The following PPP4R2 variants were observed in gnomAD, a reference collection of about 807,000 sequenced individuals.
PPP4R2 encodes the protein protein phosphatase 4 regulatory subunit 2.
PPP4R2 carries 13 observed loss-of-function variants against 47.2 expected under a neutral mutation model. The ratio of observed to expected loss-of-function variants is 0.28; its 90% CI spans 0.18 to 0.44. PPP4R2 has a LOEUF of 0.44. Ranked by LOEUF, PPP4R2 falls within the 20% of genes least tolerant of loss-of-function variation. PPP4R2 has a pLI of 1.00. For synonymous variants in PPP4R2, 151 were observed against 163.3 expected, an observed-to-expected ratio of 0.92 and a Z score of 0.57; for missense variants, 421 against 491.2, an observed-to-expected ratio of 0.86 and a Z score of 1.35.
intron 2 of PPP4R2, among the ~76,000 whole-genome samples, chr3:73,036,452 A>G (rs1702262244): frequency 6.6e-6 from 1 of 152,246 alleles, no homozygotes; most frequent in Non-Finnish European, 1.5e-5. Context: ...TATCGATTTG[A>G]CCAATACACG....
chr3:73,056,444 A>G (rs1458120122), intron 3 of PPP4R2, among the ~76,000 whole-genome samples: 4 of 152,208 alleles, frequency 2.6e-5, no homozygotes, highest in East Asian at 1.9e-4. Context: ...AGACCTTTCA[A>G]TGCTGTTACG....
At position 73,063,687 on chromosome 3, in the gene PPP4R2, A is replaced by G. The variant is rs759294797; in HGVS notation, c.434A>G (p.Asn145Ser). The change falls in exon 6 of 9, where the codon AAT becomes AGT. Residue 145 changes from asparagine (N) to serine (S), a missense_variant. Transcript: ENST00000356692. Reference protein sequence around the residue: ...VYPSSEKNNSNSLNRMNGVMF... With the variant: ...VYPSSEKNNSSSLNRMNGVMF... Reference sequence around the variant, plus strand: ...TTTTCTTATAGGAAAAACAATTCCAATAGTTTAAATCGAATGAATGGTGTT... The same window carrying G: ...TTTTCTTATAGGAAAAACAATTCCAGTAGTTTAAATCGAATGAATGGTGTT... 29 of 1,588,302 alleles carry G rather than the reference A, an allele frequency of 1.8e-5. No individual in the cohort carries two copies. Among genetic ancestry groups the G allele is most frequent in the South Asian group, 1.4e-4 (13 of 90,486 alleles).
At chr3:73,011,131 A>G (rs193120461) in intron 2 of PPP4R2, among the ~76,000 whole-genome samples, 1 of 152,212 alleles carries the variant, frequency 6.6e-6, no homozygotes, top group African/African-American at 2.4e-5. Flanking sequence ...GTTGTCTTAC[A>G]TCCTCCTCCT....
chr3:73,004,283 C>T (rs1701548489), intron 2 of PPP4R2, among the ~76,000 whole-genome samples: 1 of 151,012 alleles, frequency 6.6e-6, no homozygotes, highest in East Asian at 2.0e-4. Flanking sequence ...TCAGGCTATC[C>T]TCCCGCCTGT....
At position 73,065,871 on chromosome 3, in the gene PPP4R2, G is replaced by T. The variant is rs1702984666; in HGVS notation, c.*149G>T. On this transcript the variant is annotated 3_prime_UTR_variant, in exon 9 of 9. Coordinates refer to ENST00000356692, the MANE Select transcript of PPP4R2 (RefSeq NM_174907.4). ...TTTATGGATAATTCCTGAAAGAGTT[G>T]TACATGTAAGAACTGTGAATATCAG... is the stretch of plus-strand genomic sequence containing the variant. 2.0e-5 allele frequency: 11 copies of T among 550,916 alleles called. No homozygotes were observed. The highest frequency in any genetic ancestry group is 5.6e-5 in the South Asian group (2 of 35,992). 34.1% of individuals were successfully genotyped at this position (550,916 alleles called of 1,614,324 possible). A position where few individuals can be genotyped will look rare whatever the true frequency, so the allele number is the denominator to read the frequency against.
chr3:73,055,589 G>A (rs1217670338), intron 3 of PPP4R2, among the ~76,000 whole-genome samples: 2 of 151,416 alleles, frequency 1.3e-5, no homozygotes, highest in Non-Finnish European at 2.9e-5. Flanking sequence ...CCTTTTTTCA[G>A]TTCCTTATAT....
chr3:73,047,197 C>T lies in PPP4R2; in HGVS notation c.128C>T (p.Ser43Phe). Reference sequence around the variant, plus strand: ...TTTTTTGCTTATAGGATTCAGTGGTCCCAATTTAAAGGCTATTTTATTTTC... The same window carrying T: ...TTTTTTGCTTATAGGATTCAGTGGTTCCAATTTAAAGGCTATTTTATTTTC... The part of the protein sequence containing the change: ...AKTGETMIQW[S>F]QFKGYFIFKL... Residue 43 changes from serine to phenylalanine, a missense_variant, in exon 3 of 9, where the codon TCC becomes TTC. Physicochemically the swap from Ser to Phe is radical, Grantham distance 155. Coordinates refer to ENST00000356692, the MANE Select transcript of PPP4R2 (RefSeq NM_174907.4). 1 of 1,545,638 alleles carries T rather than the reference C, an allele frequency of 6.5e-7. No homozygotes were observed. Among genetic ancestry groups the T allele is most frequent in the East Asian group, 2.4e-5 (1 of 41,542 alleles).
At chr3:73,035,978 T>A (rs1011229571) in intron 2 of PPP4R2, among the ~76,000 whole-genome samples, 2 of 152,170 alleles carry the variant, frequency 1.3e-5, no homozygotes, top group Non-Finnish European at 2.9e-5. Context: ...AGAATCAATC[T>A]AAGTATCTAC....
intron 4 of PPP4R2, 150 bp from the exon 5 acceptor site, chr3:73,060,873 C>A: frequency 5.9e-6 from 3 of 509,564 alleles, no homozygotes; most frequent in Non-Finnish European, 1.0e-5. Flanking sequence ...TGCTGTTTCA[C>A]CAGTTTTCAT....
intron 2 of PPP4R2, chr3:73,014,924 G>A (rs1034381605): frequency 4.1e-5 from 28 of 675,854 alleles, no homozygotes; most frequent in Middle Eastern, 4.7e-4. Flanking sequence ...GGCTGGCCTC[G>A]AAACCCTGGC....
At chr3:73,014,449 C>G (rs1701783684) in intron 2 of PPP4R2, among the ~76,000 whole-genome samples, 1 of 152,070 alleles carries the variant, frequency 6.6e-6, no homozygotes, top group Non-Finnish European at 1.5e-5. Context: ...CCACACCCAG[C>G]TAATTTATTA....
chr3:73,013,930 C>T (rs1162898800), intron 2 of PPP4R2, among the ~76,000 whole-genome samples: 3 of 69,618 alleles, frequency 4.3e-5, no homozygotes, highest in East Asian at 2.3e-4. Flanking sequence ...CATGAACCAC[C>T]GCGCCCGGGC....
chr3:73,010,703 C>A (rs1175221411), intron 2 of PPP4R2, among the ~76,000 whole-genome samples: 1 of 152,036 alleles, frequency 6.6e-6, no homozygotes, highest in South Asian at 2.1e-4. Context: ...GGATTACAGG[C>A]GCCCATCACC....
intron 2 of PPP4R2, among the ~76,000 whole-genome samples, chr3:73,040,346 CTT>C (rs1414442103): frequency 6.6e-6 from 1 of 152,192 alleles, no homozygotes; most frequent in East Asian, 1.9e-4. Context: ...AAACAAAAGT[CTT>C]GACGTATGTA....
intron 2 of PPP4R2, among the ~76,000 whole-genome samples, chr3:73,024,197 CATTT>C (rs1479621835): frequency 1.3e-5 from 2 of 151,938 alleles, no homozygotes; most frequent in Non-Finnish European, 2.9e-5. Context: ...GATGCAGGAA[CATTT>C]ATATATTTTG....
rs189936933 is a variant in PPP4R2 at position 73,018,724 on chromosome 3, A to G, written c.116+20566A>G. On this transcript the variant is annotated intron_variant, in intron 2 of 8. Transcript: ENST00000356692. ...TCTACTGTGCTGGTGTTAAATTCTCATAGCACTTTGTTGTTAATTGCCTCA... is the reference window on the plus strand; with the variant it reads ...TCTACTGTGCTGGTGTTAAATTCTCGTAGCACTTTGTTGTTAATTGCCTCA... Among the ~76,000 whole-genome samples, 51 of 152,228 alleles carry G rather than the reference A, an allele frequency of 3.4e-4. 1 individual carries two copies. Among genetic ancestry groups the G allele is most frequent in the Admixed American group, 3.2e-3 (49 of 15,284 alleles).
chr3:73,006,853 C>T (rs777563968), intron 2 of PPP4R2, among the ~76,000 whole-genome samples: 1 of 152,164 alleles, frequency 6.6e-6, no homozygotes, highest in East Asian at 1.9e-4. Context: ...TCTCCTGTTC[C>T]TAGGCCTTTG....
intron 2 of PPP4R2, among the ~76,000 whole-genome samples, chr3:73,040,075 G>T (rs1032569202): frequency 1.3e-5 from 2 of 151,982 alleles, no homozygotes. Flanking sequence ...GAAAATGTCA[G>T]TAGTGCCAAA....
At chr3:73,053,876 T>G (rs1053456504) in intron 3 of PPP4R2, among the ~76,000 whole-genome samples, 8 of 136,538 alleles carry the variant, frequency 5.9e-5, no homozygotes, top group Non-Finnish European at 1.1e-4. Context: ...GCCACTGCAC[T>G]CCAGCGTGGG....
Sources: gnomAD v4.1 joint callset for allele counts (sites outside exome capture counted in the v4.1 genomes callset) on GRCh38, gnomAD v4.1.1 for gene constraint, MANE v1.5 for transcripts, NCBI Gene and HGNC (gene_info 2026-07-23, HGNC 2026-07-21) for gene names.